Variants in MINDY4 observed in about 807,000 individuals in gnomAD.
The protein encoded by MINDY4 is probable ubiquitin carboxyl-terminal hydrolase MINDY-4.
MINDY4 carries 68 observed loss-of-function variants against 87.0 expected under a neutral mutation model. The observed-to-expected ratio is 0.78, with a 90% CI of 0.64 to 0.96. MINDY4 has a LOEUF of 0.96. Ranked by LOEUF, MINDY4 falls within the 40% of genes least tolerant of loss-of-function variation. The probability of loss-of-function intolerance (pLI) is 0.00; values close to 1 mark genes in which losing one functional copy is unlikely to be tolerated. For missense variants in MINDY4, 919 were observed against 928.2 expected, an observed-to-expected ratio of 0.99 and a Z score of 0.13; for synonymous variants, 379 against 363.2, an observed-to-expected ratio of 1.04 and a Z score of -0.50.
At chr7:30,880,337 G>T (rs1790425499) in intron 15 of MINDY4, among the ~76,000 whole-genome samples, 1 of 104,814 alleles carries the variant, frequency 9.5e-6, no homozygotes, top group African/African-American at 3.8e-5. Flanking sequence ...CTTGCCCCAA[G>T]CCTTTGGTTA....
intron 5 of MINDY4, among the ~76,000 whole-genome samples, chr7:30,825,814 A>G (rs769415003): frequency 1.9e-4 from 29 of 152,216 alleles, no homozygotes; most frequent in Non-Finnish European, 3.4e-4. Flanking sequence ...TTAGTTTACC[A>G]TTGCTGCCAT....
chr7:30,817,297 C>G (rs907320928), intron 5 of MINDY4, among the ~76,000 whole-genome samples: 5 of 148,868 alleles, frequency 3.4e-5, no homozygotes, highest in Admixed American at 2.7e-4. Flanking sequence ...CTACAGGAAA[C>G]CAAAGAAAAA....
chr7:30,835,792 C>T (rs376786587), intron 6 of MINDY4, among the ~76,000 whole-genome samples: 1 of 152,242 alleles, frequency 6.6e-6, no homozygotes, highest in South Asian at 2.1e-4. Context: ...GCACCATTGC[C>T]TTGGCATTGT....
At chr7:30,830,710 T>A (rs1740054583) in intron 6 of MINDY4, among the ~76,000 whole-genome samples, 1 of 152,176 alleles carries the variant, frequency 6.6e-6, no homozygotes, top group Admixed American at 6.5e-5. Flanking sequence ...GGAACTACCA[T>A]TCAAGATGAG....
chr7:30,876,810 A>G (rs1584348437), intron 15 of MINDY4, among the ~76,000 whole-genome samples: 1 of 152,220 alleles, frequency 6.6e-6, no homozygotes, highest in South Asian at 2.1e-4. Flanking sequence ...GGCCTCATTC[A>G]CCACCTATCC....
chr7:30,839,876 A>G (rs771205981), intron 8 of MINDY4, among the ~76,000 whole-genome samples: 3 of 152,180 alleles, frequency 2.0e-5, no homozygotes, highest in Non-Finnish European at 2.9e-5. Flanking sequence ...GCTTATACCC[A>G]GTTCCCACAT....
At chr7:30,791,022 CAAGATTTTAAGGGA>C in intron 4 of MINDY4, 129 bp from the exon 5 acceptor site, 3 of 862,536 alleles carry the variant, frequency 3.5e-6, no homozygotes, top group Non-Finnish European at 3.6e-6. Context: ...AAATAATAGG[CAAGATTTTAAGGGA>C]AAGAGTCCGA....
chr7:30,869,139 T>C (rs1234601584), intron 13 of MINDY4, among the ~76,000 whole-genome samples: 1 of 152,212 alleles, frequency 6.6e-6, no homozygotes, highest in African/African-American at 2.4e-5. Flanking sequence ...CAGAATTCTC[T>C]GAGGGCCCAG....
chr7:30,870,208 C>G (rs1043688985), intron 13 of MINDY4, among the ~76,000 whole-genome samples: 1 of 152,296 alleles, frequency 6.6e-6, no homozygotes, highest in East Asian at 1.9e-4. Flanking sequence ...CGCAGGCTCT[C>G]GAGCCCGCTG....
chr7:30,850,534 G>T lies in MINDY4; in HGVS notation c.1526G>T (p.Arg509Leu), dbSNP rs774538147. ...LADIVWRAGG[R>L]ERAVVALASR... ...GACATTGTGTGGCGGGCAGGGGGCC[G>T]AGAGAGAGCCGTTGTTGCACTGTAA... Residue 509 changes from arginine to leucine, a missense_variant, in exon 10 of 18, where the codon CGA becomes CTA. By Grantham distance (102) the Arg-to-Leu change is moderately radical. Coordinates refer to ENST00000265299, the MANE Select transcript of MINDY4 (RefSeq NM_032222.3). 7.5e-6 allele frequency: 12 copies of T among 1,606,590 alleles called. No individual in the cohort carries two copies. The highest frequency in any genetic ancestry group is 8.5e-6 in the Non-Finnish European group (10 of 1,176,504).
intron 14 of MINDY4, 102 bp from the exon 15 acceptor site, chr7:30,875,393 T>C: frequency 7.6e-7 from 1 of 1,317,258 alleles, no homozygotes; most frequent in Non-Finnish European, 1.1e-6. Flanking sequence ...CCTCCTTGCT[T>C]TCCTTCCTTC....
chr7:30,789,192 G>T (rs1562531137), intron 4 of MINDY4, among the ~76,000 whole-genome samples: 1 of 152,068 alleles, frequency 6.6e-6, no homozygotes, highest in South Asian at 2.1e-4. Flanking sequence ...GAGCGCCAGG[G>T]TCCTGTCTTA....
chr7:30,866,881 G>T (rs898267368), intron 13 of MINDY4, among the ~76,000 whole-genome samples: 3 of 152,088 alleles, frequency 2.0e-5, no homozygotes, highest in African/African-American at 7.2e-5. Context: ...CTCCTTGCAG[G>T]TCCCTCTTTT....
chr7:30,819,687 G>C (rs996476523), intron 5 of MINDY4, among the ~76,000 whole-genome samples: 2 of 151,936 alleles, frequency 1.3e-5, no homozygotes, highest in Admixed American at 6.6e-5. Context: ...TTTCATGATG[G>C]CTACATTTTT....
chr7:30,855,387 A>C (rs1229264829), intron 12 of MINDY4, among the ~76,000 whole-genome samples: 1 of 152,228 alleles, frequency 6.6e-6, no homozygotes, highest in East Asian at 1.9e-4. Context: ...CAGCAGTCAC[A>C]GGAGAGGCGA....
chr7:30,867,711 G>C (rs1392642003), intron 13 of MINDY4, among the ~76,000 whole-genome samples: 1 of 152,208 alleles, frequency 6.6e-6, no homozygotes, highest in Non-Finnish European at 1.5e-5. Context: ...GGTGGGGGAA[G>C]TGTGGTCAAG....
chr7:30,817,322 G>T (rs1408510972), intron 5 of MINDY4, among the ~76,000 whole-genome samples: 9 of 147,902 alleles, frequency 6.1e-5, no homozygotes, highest in Admixed American at 6.0e-4. Context: ...GAGCAGGAAA[G>T]TGAAAGGAAA....
intron 7 of MINDY4, among the ~76,000 whole-genome samples, chr7:30,837,600 C>A (rs922879986): frequency 2.0e-5 from 3 of 152,160 alleles, no homozygotes; most frequent in Non-Finnish European, 2.9e-5. Context: ...GGGTCAGATA[C>A]ACTTAAATGG....
At chr7:30,835,713 C>G (rs1459932362) in intron 6 of MINDY4, among the ~76,000 whole-genome samples, 3 of 152,218 alleles carry the variant, frequency 2.0e-5, no homozygotes, top group African/African-American at 7.2e-5. Context: ...GCAGGCCCCT[C>G]TAGGGAGCTG....
Sources: gnomAD v4.1 joint callset for allele counts (sites outside exome capture counted in the v4.1 genomes callset) on GRCh38, gnomAD v4.1.1 for gene constraint, MANE v1.5 for transcripts, NCBI Gene and HGNC (gene_info 2026-07-23, HGNC 2026-07-21) for gene names.